CPT1A: variants seen among roughly 807,000 people sequenced by gnomAD.
CPT1A encodes carnitine palmitoyltransferase 1A, also known as carnitine O-palmitoyltransferase 1, liver isoform.
Under a neutral mutation model 100.8 loss-of-function variants are expected in CPT1A, and 64 were observed. The ratio of observed to expected loss-of-function variants is 0.63; its 90% CI spans 0.52 to 0.78. The LOEUF (loss-of-function observed/expected upper bound fraction) is 0.78. CPT1A is among the 30% of genes least tolerant of loss of function. The pLI, the probability that CPT1A is intolerant of heterozygous loss-of-function variation, is 0.00. For synonymous variants in CPT1A, 363 were observed against 396.0 expected (o/e 0.92, Z 0.99); for missense variants, 802 against 1,034.1 (o/e 0.78, Z 3.08).
At chr11:68,802,039 C>T (rs1307396790) in intron 5 of CPT1A, among the ~76,000 whole-genome samples, 1 of 152,116 alleles carries the variant, frequency 6.6e-6, no homozygotes, top group Non-Finnish European at 1.5e-5. Context: ...CCACGTGATT[C>T]CATTTATGCG....
At chr11:68,803,712 A>AAAAAT (rs59753299) in intron 5 of CPT1A, among the ~76,000 whole-genome samples, 3,663 of 143,704 alleles carry the variant, frequency 0.025, 64 homozygotes, top group South Asian at 0.067. Flanking sequence ...GTCCATCACA[A>AAAAAT]AAAATAAAAT....
chr11:68,821,249 T>C (rs952498683), intron 1 of CPT1A, among the ~76,000 whole-genome samples: 1 of 152,168 alleles, frequency 6.6e-6, no homozygotes, highest in African/African-American at 2.4e-5. Context: ...GCCTCCTGGG[T>C]TCAAGTGATT....
chr11:68,806,987 C>G (rs1162938051), intron 4 of CPT1A, among the ~76,000 whole-genome samples: 1 of 151,938 alleles, frequency 6.6e-6, no homozygotes, highest in Non-Finnish European at 1.5e-5. Flanking sequence ...ACATTTAAAT[C>G]ATGAAATTTG....
At chr11:68,786,469 A>C (rs573011303) in intron 9 of CPT1A, among the ~76,000 whole-genome samples, 27 of 152,342 alleles carry the variant, frequency 1.8e-4, no homozygotes, top group South Asian at 1.2e-3. Context: ...ACCCCCACTA[A>C]GGAAGTGATG....
At chr11:68,782,357 G>A (rs527956397) in intron 10 of CPT1A, among the ~76,000 whole-genome samples, 30 of 152,240 alleles carry the variant, frequency 2.0e-4, no homozygotes, top group South Asian at 6.2e-4. Flanking sequence ...GTAAGAGTGC[G>A]TCCCTCATGC....
rs1177976460 is a variant in CPT1A, at chr11:68,838,571, T to TAAAAAAAAAAAAAAAAAAAAAAA, written c.-14+3203_-14+3204insTTTTTTTTTTTTTTTTTTTTTTT. On this transcript the variant is annotated intron_variant, in intron 1 of 18. Coordinates refer to ENST00000265641, the MANE Select transcript of CPT1A (RefSeq NM_001876.4). ...GACTCTACTCTGTATCTGCACCTTT[T>TAAAAAAAAAAAAAAAAAAAAAAA]TAAAAAAAAAAAAAAAAAAACAGAG... 1.3e-4 allele frequency among the ~76,000 whole-genome samples: 10 copies of TAAAAAAAAAAAAAAAAAAAAAAA among 74,236 alleles called. 3 individuals carry two copies. The highest frequency in any genetic ancestry group is 7.4e-4 in the African/African-American group (8 of 10,744). 48.7% of individuals were successfully genotyped at this position (74,236 alleles called of 152,430 possible). A position where few individuals can be genotyped will look rare whatever the true frequency, so the allele number is the denominator to read the frequency against.
chr11:68,841,901 C>A lies in CPT1A; in HGVS notation c.-140G>T, dbSNP rs1238906429. 1 of 985,724 alleles carries A rather than the reference C, an allele frequency of 1.0e-6. No individual in the cohort carries two copies. Among genetic ancestry groups the A allele is most frequent in the African/African-American group, 1.8e-5 (1 of 57,104 alleles). The allele number at this position is 985,724 out of a possible 1,614,324, so 61.1% of individuals were successfully genotyped here. Reference sequence around the variant, plus strand: ...CGGGCGAGGCCGAGCGCACCCGACGCCGGCAGCAGCGGATTGGCTGAGGCG... The same window carrying A: ...CGGGCGAGGCCGAGCGCACCCGACGACGGCAGCAGCGGATTGGCTGAGGCG... On this transcript the variant is annotated 5_prime_UTR_variant, in exon 1 of 19. Transcript: ENST00000265641. The surrounding 1 kb of genome is among the most constrained non-coding windows in gnomAD (Gnocchi z 6.3).
At chr11:68,758,292 A>G (rs1183245705) in intron 18 of CPT1A, among the ~76,000 whole-genome samples, 3 of 152,112 alleles carry the variant, frequency 2.0e-5, no homozygotes, top group Admixed American at 1.3e-4. Context: ...ACAAACAACA[A>G]AAGAAAACCG....
intron 1 of CPT1A, among the ~76,000 whole-genome samples, chr11:68,819,300 G>A (rs1336708002): frequency 6.6e-6 from 1 of 152,044 alleles, no homozygotes; most frequent in East Asian, 1.9e-4. Context: ...GGCTGTTCCC[G>A]AACTGCTGAG....
chr11:68,795,169 C>T (rs936172472), intron 7 of CPT1A, among the ~76,000 whole-genome samples: 4 of 152,144 alleles, frequency 2.6e-5, no homozygotes, highest in East Asian at 1.9e-4. Context: ...AATACCCTCA[C>T]GTAACACAGA....
chr11:68,838,593 A>AAAAAAAAAAAAAAACT (rs71463616), intron 1 of CPT1A, among the ~76,000 whole-genome samples: 1 of 150,420 alleles, frequency 6.6e-6, no homozygotes, highest in South Asian at 2.1e-4. Flanking sequence ...AAAAAAAAAC[A>AAAAAAAAAAAAAAACT]GAGACAGGGT....
At position 68,758,017 on chromosome 11, in the gene CPT1A, C is replaced by G. The variant is rs550829818; in HGVS notation, c.2236-287G>C. Among the ~76,000 whole-genome samples the G allele has an allele frequency of 1.6e-4, 24 of 152,336 alleles. 1 individual carries two copies. The South Asian group carries it at 2.1e-3, about 13-fold the overall frequency. On this transcript the variant is annotated intron_variant, in intron 18 of 18. Coordinates refer to ENST00000265641, the MANE Select transcript of CPT1A (RefSeq NM_001876.4). ...ACAATGACCATCCTGAGCATGGTGG[C>G]TCATGCCTGTAATCCCAGCACTTTG...
At chr11:68,840,438 A>T (rs1354774865) in intron 1 of CPT1A, among the ~76,000 whole-genome samples, 1 of 152,248 alleles carries the variant, frequency 6.6e-6, no homozygotes, top group Non-Finnish European at 1.5e-5. Flanking sequence ...AAATGGTGTA[A>T]CAAAATACAA....
Position 68,786,586 on chromosome 11 carries a change from A to G in CPT1A, c.968-1576T>C, listed in dbSNP as rs1855468784. Among the ~76,000 whole-genome samples the G allele has an allele frequency of 2.0e-5, 3 of 152,214 alleles. No individual in the cohort carries two copies. The South Asian group carries it at 6.2e-4, about 31-fold the overall frequency. Reference sequence around the variant, plus strand: ...GCTCTTATTGCCCAGGCTGGAGTGCAGTGGCGCGATCTCGGCTCACTGCAA... The same window carrying G: ...GCTCTTATTGCCCAGGCTGGAGTGCGGTGGCGCGATCTCGGCTCACTGCAA... On this transcript the variant is annotated intron_variant, in intron 9 of 18. Coordinates refer to ENST00000265641, the MANE Select transcript of CPT1A (RefSeq NM_001876.4).
chr11:68,798,853 T>C (rs1334763339), intron 6 of CPT1A, among the ~76,000 whole-genome samples: 3 of 152,190 alleles, frequency 2.0e-5, no homozygotes, highest in African/African-American at 7.2e-5. Context: ...CTGGTGTACC[T>C]GCACTCAGGG....
At chr11:68,771,885 A>G (rs780322572) in intron 14 of CPT1A, among the ~76,000 whole-genome samples, 1 of 152,208 alleles carries the variant, frequency 6.6e-6, no homozygotes, top group Non-Finnish European at 1.5e-5. Flanking sequence ...AGATTTTCTG[A>G]GGCATAATGG....
chr11:68,841,913 G>T lies in CPT1A; in HGVS notation c.-152C>A, dbSNP rs1239911980. ...AGCGCACCCGACGCCGGCAGCAGCGGATTGGCTGAGGCGGGTCCGGCTGCG... is the reference window on the plus strand; with the variant it reads ...AGCGCACCCGACGCCGGCAGCAGCGTATTGGCTGAGGCGGGTCCGGCTGCG... On this transcript the variant is annotated 5_prime_UTR_variant, in exon 1 of 19. Transcript: ENST00000265641. The surrounding 1 kb of genome is among the most constrained non-coding windows in gnomAD (Gnocchi z 6.3). 6.1e-6 allele frequency: 6 copies of T among 985,866 alleles called. No individual in the cohort carries two copies. The highest frequency in any genetic ancestry group is 2.3e-4 in the East Asian group (2 of 8,856). The allele number at this position is 985,866 out of a possible 1,614,324, so 61.1% of individuals were successfully genotyped here.
At chr11:68,781,715 G>T (rs1383630467) in intron 11 of CPT1A, 56 bp downstream of exon 11, 1 of 1,459,536 alleles carries the variant, frequency 6.9e-7, no homozygotes, top group Admixed American at 1.7e-5. Flanking sequence ...GGCACACAGG[G>T]TATTTCTTCC....
At chr11:68,757,776 T>G in intron 18 of CPT1A, 46 bp from the exon 19 acceptor site, 16,826 of 1,172,254 alleles carry the variant, frequency 0.014, no homozygotes, top group Non-Finnish European at 0.02. Context: ...AACGTGGCCA[T>G]CCCCACATTT....
Sources: gnomAD v4.1 joint callset for allele counts (sites outside exome capture counted in the v4.1 genomes callset) on GRCh38, gnomAD v4.1.1 for gene constraint, Gnocchi (gnomAD v3.1) non-coding constraint, MANE v1.5 for transcripts, NCBI Gene and HGNC (gene_info 2026-07-23, HGNC 2026-07-21) for gene names.